Variants in PCP4 observed in about 807,000 individuals in gnomAD.
PCP4 encodes the protein Purkinje cell protein 4.
PCP4 carries 8 observed loss-of-function variants against 10.0 expected under a neutral mutation model. The observed-to-expected ratio is 0.80, with a 90% confidence interval of 0.47 to 1.45. PCP4 has a LOEUF of 1.45. Ranked by LOEUF, PCP4 falls within the 40% of genes most tolerant of loss-of-function variation. The probability of loss-of-function intolerance (pLI) is 0.00; values close to 1 mark genes in which losing one functional copy is unlikely to be tolerated. For synonymous variants in PCP4, 21 were observed against 23.0 expected (o/e 0.91, Z 0.24); for missense variants, 54 against 74.4 (o/e 0.73, Z 1.01).
chr21:39,905,446 C>T (rs563408665), intron 2 of PCP4, among the ~76,000 whole-genome samples: 1 of 152,346 alleles, frequency 6.6e-6, no homozygotes, highest in East Asian at 1.9e-4. Flanking sequence ...AAAGCCATCG[C>T]AGTCTCCAGA....
chr21:39,928,688 T>C (rs985819697), intron 2 of PCP4, among the ~76,000 whole-genome samples: 3 of 152,150 alleles, frequency 2.0e-5, no homozygotes, highest in East Asian at 3.9e-4. Flanking sequence ...GCACAGCCAG[T>C]ATTAAAACCA....
intron 2 of PCP4, among the ~76,000 whole-genome samples, chr21:39,924,059 C>T (rs1049340076): frequency 2.0e-5 from 3 of 152,178 alleles, no homozygotes; most frequent in African/African-American, 7.2e-5. Context: ...ACCATGATGG[C>T]CATGCGGGCG....
chr21:39,926,818 T>G (rs2087623864), intron 2 of PCP4, among the ~76,000 whole-genome samples: 1 of 152,290 alleles, frequency 6.6e-6, no homozygotes, highest in Middle Eastern at 3.4e-3. Flanking sequence ...CCCCTTATTT[T>G]TCTCCAAAGA....
At chr21:39,868,358 TGATTCTTTTCTTGGAA>T in intron 1 of PCP4, among the ~76,000 whole-genome samples, 1 of 152,350 alleles carries the variant, frequency 6.6e-6, no homozygotes, top group Non-Finnish European at 1.5e-5. Flanking sequence ...GACAGATGGA[TGATTCTTTTCTTGGAA>T]GTCTAGGATA....
intron 1 of PCP4, among the ~76,000 whole-genome samples, chr21:39,884,109 G>A (rs2087388676): frequency 6.6e-6 from 1 of 152,020 alleles, no homozygotes; most frequent in Admixed American, 6.5e-5. Flanking sequence ...GTTTATTAAG[G>A]TGTAATTTAC....
chr21:39,886,043 C>G (rs1201114886), intron 1 of PCP4, among the ~76,000 whole-genome samples: 3 of 152,168 alleles, frequency 2.0e-5, no homozygotes, highest in Non-Finnish European at 4.4e-5. Flanking sequence ...TGTCTGTGTT[C>G]AAATTGTCCC....
intron 2 of PCP4, among the ~76,000 whole-genome samples, chr21:39,910,551 T>C (rs187768104): frequency 2.2e-4 from 34 of 152,102 alleles, no homozygotes; most frequent in Non-Finnish European, 4.4e-4. Flanking sequence ...AGATGCTGGG[T>C]TGTAGATTAT....
chr21:39,903,722 T>G (rs8134797), intron 2 of PCP4, among the ~76,000 whole-genome samples: 13,012 of 149,026 alleles, frequency 0.087, 724 homozygotes, highest in African/African-American at 0.15. Flanking sequence ...CAAAAAATTA[T>G]CCGGGCGCGG....
chr21:39,920,483 G>A (rs942604376), intron 2 of PCP4, among the ~76,000 whole-genome samples: 2 of 151,982 alleles, frequency 1.3e-5, no homozygotes, highest in Non-Finnish European at 2.9e-5. Flanking sequence ...TGTTGTATGT[G>A]TGTGTGTCTG....
chr21:39,868,045 G>A (rs932370999), intron 1 of PCP4, among the ~76,000 whole-genome samples: 1 of 152,218 alleles, frequency 6.6e-6, no homozygotes, highest in Admixed American at 6.5e-5. Context: ...ACATCCGTGT[G>A]TATAGATCTG....
At chr21:39,877,220 C>T (rs1365269341) in intron 1 of PCP4, among the ~76,000 whole-genome samples, 2 of 151,954 alleles carry the variant, frequency 1.3e-5, no homozygotes, top group Admixed American at 6.6e-5. Flanking sequence ...TTTTATTAGC[C>T]TTGAGTAAAA....
At chr21:39,886,220 C>A (rs768222071) in intron 1 of PCP4, among the ~76,000 whole-genome samples, 21 of 152,106 alleles carry the variant, frequency 1.4e-4, no homozygotes, top group Non-Finnish European at 2.5e-4. Flanking sequence ...CACCATACTG[C>A]AAAAGTGGTA....
chr21:39,895,646 G>A (rs979981583), intron 1 of PCP4, among the ~76,000 whole-genome samples: 1 of 152,232 alleles, frequency 6.6e-6, no homozygotes, highest in Non-Finnish European at 1.5e-5. Flanking sequence ...TTGGTAAAGT[G>A]AGGCTGATGA....
intron 2 of PCP4, among the ~76,000 whole-genome samples, chr21:39,917,887 G>A (rs953337848): frequency 6.6e-6 from 1 of 152,062 alleles, no homozygotes; most frequent in South Asian, 2.1e-4. Context: ...TTGAAATGAG[G>A]TCCTCAGGCT....
At chr21:39,913,097 G>C (rs73215394) in intron 2 of PCP4, among the ~76,000 whole-genome samples, 14,523 of 151,918 alleles carry the variant, frequency 0.096, 892 homozygotes, top group East Asian at 0.22. Context: ...TTACTTCTGG[G>C]GTATTTAATT....
At chr21:39,926,265 T>C (rs1484240387) in intron 2 of PCP4, 1 of 290,646 alleles carries the variant, frequency 3.4e-6, no homozygotes, top group Non-Finnish European at 7.0e-6. Context: ...GGCTGAGATA[T>C]CAGTTTAAGA....
chr21:39,879,387 G>T (rs750956811), intron 1 of PCP4, among the ~76,000 whole-genome samples: 1 of 152,042 alleles, frequency 6.6e-6, no homozygotes, highest in African/African-American at 2.4e-5. Flanking sequence ...TTCCTTCTTT[G>T]CCGTCTTTAA....
At chr21:39,880,816 G>C (rs79636582) in intron 1 of PCP4, among the ~76,000 whole-genome samples, 1 of 152,162 alleles carries the variant, frequency 6.6e-6, no homozygotes, top group East Asian at 1.9e-4. Flanking sequence ...GTAATTTGGT[G>C]GTGTGACCTT....
intron 2 of PCP4, among the ~76,000 whole-genome samples, chr21:39,919,767 T>C (rs2087585771): frequency 6.7e-6 from 1 of 149,802 alleles, no homozygotes; most frequent in African/African-American, 2.5e-5. Context: ...TGTGTATTTG[T>C]GTATGTGTGG....
Sources: allele counts gnomAD v4.1 joint callset (sites outside exome capture counted in the v4.1 genomes callset), GRCh38; gene constraint gnomAD v4.1.1; transcripts MANE v1.5; gene names NCBI Gene and HGNC (gene_info 2026-07-23, HGNC 2026-07-21).